CCDC60: variants seen among roughly 807,000 people sequenced by gnomAD.
CCDC60 encodes the protein coiled-coil domain-containing protein 60.
A neutral mutation model predicts 63.5 loss-of-function variants in CCDC60; 54 were observed. The observed-to-expected ratio is 0.85, with a 90% CI of 0.68 to 1.07. The LOEUF (loss-of-function observed/expected upper bound fraction) is 1.07. Among genes scored for constraint, CCDC60 ranks in the 50% least tolerant of loss-of-function variants. The pLI is 0.00. For synonymous variants in CCDC60, 206 were observed against 238.8 expected, an observed-to-expected ratio of 0.86 and a Z score of 1.27; for missense variants, 651 against 684.3, an observed-to-expected ratio of 0.95 and a Z score of 0.54.
chr12:119,476,148 GA>G (rs1037101435), intron 3 of CCDC60, among the ~76,000 whole-genome samples: 38 of 151,188 alleles, frequency 2.5e-4, no homozygotes, highest in African/African-American at 8.7e-4. Flanking sequence ...ACTATGCAGG[GA>G]AAAAAAAATC....
At chr12:119,416,850 G>A (rs561896603) in intron 1 of CCDC60, among the ~76,000 whole-genome samples, 59 of 152,276 alleles carry the variant, frequency 3.9e-4, no homozygotes, top group Non-Finnish European at 6.9e-4. Context: ...GCCGGTCGAC[G>A]TGGCTCATGC....
In CCDC60 at chr12:119,370,763, C is replaced by T. The variant is rs754724147; in HGVS notation, c.90+35497C>T. ...AGAATATGAGGCAGGCATAGTGGCT[C>T]ATGCCTGTAATCTCAACACTTTGGG... On this transcript the variant is annotated intron_variant, in intron 1 of 13. Coordinates refer to ENST00000327554, the MANE Select transcript of CCDC60 (RefSeq NM_178499.5). Among the ~76,000 whole-genome samples the T allele has an allele frequency of 7.9e-5, 12 of 152,186 alleles. No individual in the cohort carries two copies. In the South Asian group the frequency reaches 1.0e-3, roughly 13 times the overall value.
At chr12:119,462,249 G>A (rs951504872) in intron 2 of CCDC60, among the ~76,000 whole-genome samples, 11 of 152,060 alleles carry the variant, frequency 7.2e-5, no homozygotes, top group African/African-American at 2.2e-4. Context: ...GCTTTTTACC[G>A]TATGCTCCCT....
At chr12:119,530,181 A>C (rs140582976) in intron 12 of CCDC60, among the ~76,000 whole-genome samples, 377 of 152,216 alleles carry the variant, frequency 2.5e-3, no homozygotes, top group African/African-American at 8.4e-3. Context: ...ATAAAGCAGT[A>C]TGAGAAGCCC....
rs546279853 is a variant in CCDC60 at position 119,458,816 on chromosome 12, G to A, written c.171-13178G>A. Among the ~76,000 whole-genome samples the A allele has an allele frequency of 5.5e-4, 84 of 152,012 alleles. 1 individual carries two copies. In the South Asian group the frequency reaches 0.016, roughly 30 times the overall value. ...GGCTAGAGTGCAATGGCATGATCTCGGCTCACAGTAACCTCCACCTCCTGG... is the reference window on the plus strand; with the variant it reads ...GGCTAGAGTGCAATGGCATGATCTCAGCTCACAGTAACCTCCACCTCCTGG... On this transcript the variant is annotated intron_variant, in intron 2 of 13. Coordinates refer to ENST00000327554, the MANE Select transcript of CCDC60 (RefSeq NM_178499.5).
intron 1 of CCDC60, among the ~76,000 whole-genome samples, chr12:119,354,309 A>G (rs1955694745): frequency 6.6e-6 from 1 of 152,206 alleles, no homozygotes; most frequent in Non-Finnish European, 1.5e-5. Context: ...TAGGCAATCC[A>G]ATCCCACAGA....
At chr12:119,442,001 G>A (rs929381876) in intron 2 of CCDC60, among the ~76,000 whole-genome samples, 1 of 151,852 alleles carries the variant, frequency 6.6e-6, no homozygotes, top group Non-Finnish European at 1.5e-5. Context: ...AGTTTAAAAC[G>A]CACAAATAAT....
intron 2 of CCDC60, among the ~76,000 whole-genome samples, chr12:119,463,005 G>T (rs773538643): frequency 1.8e-4 from 28 of 151,944 alleles, no homozygotes; most frequent in Non-Finnish European, 2.8e-4. Context: ...TGTATTTTTC[G>T]TAGAGACAGG....
At position 119,343,170 on chromosome 12, in the gene CCDC60, C is replaced by A. The variant is rs1364972233; in HGVS notation, c.90+7904C>A. ...TCTATCATGAGATGGTGGCATTTTCCCTTCTAAATTCCTGTTTTCAAACTC... is the reference window on the plus strand; with the variant it reads ...TCTATCATGAGATGGTGGCATTTTCACTTCTAAATTCCTGTTTTCAAACTC... On this transcript the variant is annotated intron_variant, in intron 1 of 13. Transcript: ENST00000327554. Among the ~76,000 whole-genome samples, 10 of 152,112 alleles carry A rather than the reference C, an allele frequency of 6.6e-5. No individual in the cohort carries two copies. In the East Asian group the frequency reaches 1.9e-3, roughly 29 times the overall value.
At chr12:119,408,270 A>C (rs1158745342) in intron 1 of CCDC60, among the ~76,000 whole-genome samples, 1 of 152,238 alleles carries the variant, frequency 6.6e-6, no homozygotes, top group Non-Finnish European at 1.5e-5. Context: ...TAGCAGCTTA[A>C]GGCAACAAAC....
chr12:119,528,792 G>A (rs1593222322), intron 12 of CCDC60, 46 bp downstream of exon 12: 1 of 1,580,590 alleles, frequency 6.3e-7, no homozygotes, highest in Middle Eastern at 1.7e-4. Flanking sequence ...GAAGAGAACA[G>A]GGTGTTGTTA....
chr12:119,485,098 T>A (rs777281106), intron 4 of CCDC60, among the ~76,000 whole-genome samples: 4 of 152,200 alleles, frequency 2.6e-5, no homozygotes, highest in Non-Finnish European at 5.9e-5. Context: ...GGAATATGTA[T>A]CAGGAGCAGG....
At chr12:119,497,112 A>G (rs1479301481) in intron 5 of CCDC60, among the ~76,000 whole-genome samples, 4 of 152,308 alleles carry the variant, frequency 2.6e-5, no homozygotes, top group African/African-American at 9.6e-5. Flanking sequence ...CTATTAAATC[A>G]TCTACCCGAA....
At chr12:119,527,188 C>T (rs1349116136) in intron 11 of CCDC60, among the ~76,000 whole-genome samples, 2 of 151,942 alleles carry the variant, frequency 1.3e-5, no homozygotes, top group African/African-American at 2.4e-5. Context: ...CACATGTTCT[C>T]ACTTGTAAGT....
chr12:119,394,014 C>G (rs1333601836), intron 1 of CCDC60, among the ~76,000 whole-genome samples: 1 of 152,196 alleles, frequency 6.6e-6, no homozygotes, highest in Non-Finnish European at 1.5e-5. Context: ...GGAACTATGA[C>G]AGGCCCTTAA....
intron 13 of CCDC60, among the ~76,000 whole-genome samples, chr12:119,535,494 C>T (rs1217763815): frequency 2.0e-5 from 3 of 152,038 alleles, no homozygotes; most frequent in African/African-American, 7.2e-5. Context: ...TAGTTCTTTT[C>T]ATTGTGATGT....
intron 1 of CCDC60, among the ~76,000 whole-genome samples, chr12:119,400,724 C>T (rs1434755506): frequency 6.6e-6 from 1 of 152,230 alleles, no homozygotes; most frequent in Admixed American, 6.5e-5. Flanking sequence ...GTAATAAGCT[C>T]CCAAATGATG....
chr12:119,407,730 T>C lies in CCDC60; in HGVS notation c.91-20953T>C, dbSNP rs543582435. Among the ~76,000 whole-genome samples, 3 of 152,308 alleles carry C rather than the reference T, an allele frequency of 2.0e-5. No homozygotes were observed. In the East Asian group the frequency reaches 5.8e-4, roughly 29 times the overall value. On this transcript the variant is annotated intron_variant, in intron 1 of 13. Transcript: ENST00000327554. The stretch of plus-strand genomic sequence containing the variant: ...TATATGCAGTCACTCTGCCCCTCCA[T>C]GCCTTGGTAGTGGCTTTTTTTTAAC...
chr12:119,369,504 G>C (rs1302816514), intron 1 of CCDC60, among the ~76,000 whole-genome samples: 1 of 152,188 alleles, frequency 6.6e-6, no homozygotes. Flanking sequence ...ATCCTTGAAA[G>C]CTAATGTAAG....
Sources: allele counts gnomAD v4.1 joint callset (sites outside exome capture counted in the v4.1 genomes callset), GRCh38; gene constraint gnomAD v4.1.1; transcripts MANE v1.5; gene names NCBI Gene and HGNC (gene_info 2026-07-23, HGNC 2026-07-21).